The following SSBP3 variants were observed in gnomAD, a reference collection of about 807,000 sequenced individuals.
SSBP3 encodes the protein single stranded DNA binding protein 3, also known as single-stranded DNA-binding protein 3.
In SSBP3, 5 loss-of-function variants were observed where a neutral mutation model predicts 69.6. The observed-to-expected ratio is 0.07, with a 90% CI of 0.04 to 0.15. The LOEUF is 0.15. Among genes scored for constraint, SSBP3 ranks in the 10% least tolerant of loss-of-function variants. SSBP3 has a pLI of 1.00. For missense variants in SSBP3, 312 were observed against 534.0 expected, an observed-to-expected ratio of 0.58 and a Z score of 4.10; for synonymous variants, 196 against 193.4, an observed-to-expected ratio of 1.01 and a Z score of -0.11.
At chr1:54,356,351 T>G (rs1348191269) in intron 4 of SSBP3, 1 of 152,174 alleles carries the variant, frequency 6.6e-6, no homozygotes, top group African/African-American at 2.4e-5. Context: ...CTTCCACCTT[T>G]CCTTCCCGCC....
intron 4 of SSBP3, among the ~76,000 whole-genome samples, chr1:54,390,312 A>G (rs1012854431): frequency 7.9e-5 from 12 of 152,082 alleles, no homozygotes; most frequent in South Asian, 2.1e-4. Flanking sequence ...CCAACTCCCA[A>G]TGGTCAACCT....
chr1:54,296,209 C>T (rs1277843926), intron 4 of SSBP3, among the ~76,000 whole-genome samples: 1 of 152,208 alleles, frequency 6.6e-6, no homozygotes, highest in Non-Finnish European at 1.5e-5. Flanking sequence ...CCTTAACTCC[C>T]AAAGGTTTTC....
chr1:54,408,262 G>A (rs1391673527), upstream of SSBP3, among the ~76,000 whole-genome samples: 1 of 152,134 alleles, frequency 6.6e-6, no homozygotes, highest in Non-Finnish European at 1.5e-5. Flanking sequence ...GTTGGGAGTT[G>A]GAATACAAGG....
intron 5 of SSBP3, among the ~76,000 whole-genome samples, chr1:54,274,146 G>C (rs377239730): frequency 1.3e-5 from 2 of 152,322 alleles, no homozygotes; most frequent in South Asian, 2.1e-4. Context: ...GGGAAGCAGA[G>C]AGGGCCAGGC....
chr1:54,331,213 T>C (rs1255743624), intron 4 of SSBP3, among the ~76,000 whole-genome samples: 1 of 152,146 alleles, frequency 6.6e-6, no homozygotes, highest in Non-Finnish European at 1.5e-5. Flanking sequence ...AGGCGCATTG[T>C]CTGGACACAG....
chr1:54,226,995 G>A, exon 18 of SSBP3: 1 of 783,420 alleles, frequency 1.3e-6, no homozygotes, highest in South Asian at 1.3e-5. Context: ...GCGTGGATGG[G>A]GTGGGAGGGG....
At chr1:54,329,019 A>T (rs1646359500) in intron 4 of SSBP3, among the ~76,000 whole-genome samples, 1 of 152,142 alleles carries the variant, frequency 6.6e-6, no homozygotes, top group Non-Finnish European at 1.5e-5. Flanking sequence ...GGGTACCTAG[A>T]TCCTGCCTGT....
intron 14 of SSBP3, among the ~76,000 whole-genome samples, chr1:54,231,586 G>A (rs1412253194): frequency 6.6e-6 from 1 of 152,144 alleles, no homozygotes; most frequent in Non-Finnish European, 1.5e-5. Flanking sequence ...ATCTAAGAAG[G>A]CTTTGCTTAA....
In SSBP3 at chr1:54,394,616, A is replaced by G. The variant is rs566935159; in HGVS notation, c.276+7245T>C. 4.9e-3 allele frequency among the ~76,000 whole-genome samples: 742 copies of G among 151,932 alleles called. 4 individuals carry two copies. The highest frequency in any genetic ancestry group is 8.5e-3 in the South Asian group (41 of 4,814). ...CAGGAAGTCAAAAGAAAAAGAAGCCAATGTGGCCAGAACCAGCTTCCCATG... is the reference window on the plus strand; with the variant it reads ...CAGGAAGTCAAAAGAAAAAGAAGCCGATGTGGCCAGAACCAGCTTCCCATG... On this transcript the variant is annotated intron_variant, in intron 4 of 17. Transcript: ENST00000610401.
At chr1:54,405,550 G>T (rs956692593) in intron 1 of SSBP3, 14 of 152,924 alleles carry the variant, frequency 9.2e-5, no homozygotes, top group Non-Finnish European at 1.9e-4. Flanking sequence ...AGGCTTCGGG[G>T]CTGCAGAAGC....
chr1:54,376,465 A>T (rs1169360400), intron 4 of SSBP3, among the ~76,000 whole-genome samples: 1 of 152,178 alleles, frequency 6.6e-6, no homozygotes, highest in Non-Finnish European at 1.5e-5. Context: ...GTAACAAGAC[A>T]CGCTGCCTGC....
chr1:54,304,654 G>A (rs1645864343), intron 4 of SSBP3, among the ~76,000 whole-genome samples: 1 of 152,176 alleles, frequency 6.6e-6, no homozygotes, highest in African/African-American at 2.4e-5. Context: ...AGGCAGAGGA[G>A]GAACAAAGCA....
chr1:54,303,883 G>C (rs927536540), intron 4 of SSBP3, among the ~76,000 whole-genome samples: 1 of 152,042 alleles, frequency 6.6e-6, no homozygotes, highest in Non-Finnish European at 1.5e-5. Context: ...AACTAATTTC[G>C]CCTATTTCTT....
chr1:54,301,520 C>T (rs1180440276), intron 4 of SSBP3, among the ~76,000 whole-genome samples: 1 of 152,220 alleles, frequency 6.6e-6, no homozygotes, highest in Admixed American at 6.5e-5. Context: ...ACTCCAATTA[C>T]TCCCTTTCTT....
chr1:54,240,135 G>A lies in SSBP3; in HGVS notation c.856+770C>T, dbSNP rs535370981. Among the ~76,000 whole-genome samples the A allele has an allele frequency of 2.4e-3, 336 of 141,326 alleles. 2 individuals carry two copies. The highest frequency in any genetic ancestry group is 8.2e-3 in the African/African-American group (305 of 37,172). 92.7% of individuals were successfully genotyped at this position (141,326 alleles called of 152,430 possible). ...GCGCGCGCGCGCAACACATGCCCAC[G>A]TATGTGCACGCATGCCCTCTTTTGT... On this transcript the variant is annotated intron_variant, in intron 13 of 17. Transcript: ENST00000610401.
At chr1:54,404,325 T>C (rs951310943) in intron 3 of SSBP3, among the ~76,000 whole-genome samples, 8 of 152,202 alleles carry the variant, frequency 5.3e-5, no homozygotes, top group African/African-American at 1.9e-4. Context: ...GAGTGAAATG[T>C]AAAAGTAAGG....
intron 4 of SSBP3, among the ~76,000 whole-genome samples, chr1:54,308,255 G>C (rs12088734): frequency 6.6e-6 from 1 of 152,162 alleles, no homozygotes. Context: ...GCTGGAGTTT[G>C]AGACCAGCCT....
intron 4 of SSBP3, among the ~76,000 whole-genome samples, chr1:54,390,175 T>C (rs1368214031): frequency 6.6e-6 from 1 of 152,176 alleles, no homozygotes; most frequent in Non-Finnish European, 1.5e-5. Flanking sequence ...AAGAATGCCT[T>C]TTAAGGGTCT....
intron 4 of SSBP3, among the ~76,000 whole-genome samples, chr1:54,297,281 T>C (rs1439609915): frequency 6.6e-6 from 1 of 152,246 alleles, no homozygotes; most frequent in African/African-American, 2.4e-5. Flanking sequence ...CACCATTCCC[T>C]GCCTGGCCTA....
Sources: gnomAD v4.1 joint callset for allele counts (sites outside exome capture counted in the v4.1 genomes callset) on GRCh38, gnomAD v4.1.1 for gene constraint, MANE v1.5 for transcripts, NCBI Gene and HGNC (gene_info 2026-07-23, HGNC 2026-07-21) for gene names.